LRRD1: variants seen among roughly 807,000 people sequenced by gnomAD.
The protein encoded by LRRD1 is leucine-rich repeat and death domain-containing protein 1.
Under a neutral mutation model 69.5 loss-of-function variants are expected in LRRD1, and 49 were observed. The ratio of observed to expected loss-of-function variants is 0.70; its 90% CI spans 0.56 to 0.89. LRRD1 has a LOEUF of 0.89. Among genes scored for constraint, LRRD1 ranks in the 40% least tolerant of loss-of-function variants. The pLI is 0.00. For missense variants in LRRD1, 853 were observed against 956.0 expected, an observed-to-expected ratio of 0.89 and a Z score of 1.42; for synonymous variants, 303 against 338.9, an observed-to-expected ratio of 0.89 and a Z score of 1.16.
rs78545963 is a variant in LRRD1, at chr7:92,167,115, G to A, written c.-74-1839C>T. On this transcript the variant is annotated intron_variant, in intron 1 of 5. Transcript: ENST00000458448. ...ATTTTCTTTCTTTTTTTTTTTTTTT[G>A]TGGGGACAGTCTTCTCTGTCACCAG... Among the ~76,000 whole-genome samples, 239 of 77,926 alleles carry A rather than the reference G, an allele frequency of 3.1e-3. 1 individual carries two copies. Among genetic ancestry groups the A allele is most frequent in the African/African-American group, 0.011 (223 of 20,380 alleles). The allele number at this position is 77,926 out of a possible 152,430, so 51.1% of individuals were successfully genotyped here.
At chr7:92,176,323 T>C (rs954096614) in intron 1 of LRRD1, among the ~76,000 whole-genome samples, 15 of 152,202 alleles carry the variant, frequency 9.9e-5, no homozygotes, top group African/African-American at 3.4e-4. Context: ...TGGTCTTGTA[T>C]GTAGCAATCT....
chr7:92,174,226 TTGATAGACGAAATAAG>T (rs948883595), intron 1 of LRRD1, among the ~76,000 whole-genome samples: 1 of 151,774 alleles, frequency 6.6e-6, no homozygotes, highest in African/African-American at 2.4e-5. Context: ...AATAAACAGT[TTGATAGACGAAATAAG>T]GCCTAGTGTT....
chr7:92,174,429 A>G (rs1357994558), intron 1 of LRRD1, among the ~76,000 whole-genome samples: 1 of 141,110 alleles, frequency 7.1e-6, no homozygotes, highest in Non-Finnish European at 1.5e-5. Flanking sequence ...AAATTATCAC[A>G]TATACCTTGA....
At chr7:92,144,765 C>T (rs1433676345), downstream of LRRD1, 3 of 518,992 alleles carry the variant, frequency 5.8e-6, no homozygotes, top group South Asian at 9.7e-5. Context: ...GTCATCATCT[C>T]TTAAGAATGA....
chr7:92,158,485 A>T (rs1411236596), intron 3 of LRRD1, among the ~76,000 whole-genome samples: 1 of 152,128 alleles, frequency 6.6e-6, no homozygotes, highest in East Asian at 1.9e-4. Flanking sequence ...TCAACGCAGT[A>T]TTTGTTGTAC....
chr7:92,151,854 C>A (rs1176657568), intron 3 of LRRD1, among the ~76,000 whole-genome samples: 1 of 150,736 alleles, frequency 6.6e-6, no homozygotes, highest in Non-Finnish European at 1.5e-5. Flanking sequence ...GAGGCTGAGA[C>A]AGGAGAATTG....
intron 1 of LRRD1, among the ~76,000 whole-genome samples, chr7:92,174,214 CAAATAA>C (rs1789115318): frequency 6.6e-6 from 1 of 151,444 alleles, no homozygotes; most frequent in Non-Finnish European, 1.5e-5. Context: ...TTAATAGGTA[CAAATAA>C]ACAGTTTGAT....
chr7:92,146,208 T>G lies in LRRD1; in HGVS notation c.2279-8A>C. 7.7e-7 allele frequency: 1 copy of G among 1,299,162 alleles called. No individual in the cohort carries two copies. Among genetic ancestry groups the G allele is most frequent in the Admixed American group, 2.5e-5 (1 of 40,006 alleles). The allele number at this position is 1,299,162 out of a possible 1,614,324, so 80.5% of individuals were successfully genotyped here. A position where few individuals can be genotyped will look rare whatever the true frequency, so the allele number is the denominator to read the frequency against. On this transcript the variant is annotated splice_polypyrimidine_tract_variant and splice_region_variant and intron_variant, in intron 4 of 5. Transcript: ENST00000458448. The stretch of plus-strand genomic sequence containing the variant: ...TCTTCTCTAAAATTTTCTCTACGTT[T>G]GAACATAAAATAAAATGTATATCTT...
chr7:92,149,877 A>T (rs1262659219), intron 4 of LRRD1: 1 of 455,044 alleles, frequency 2.2e-6, no homozygotes, highest in South Asian at 1.6e-5. Context: ...GAACAACTAC[A>T]TTTGGTAGAA....
chr7:92,177,641 T>C (rs1451495080), intron 1 of LRRD1, among the ~76,000 whole-genome samples: 2 of 152,200 alleles, frequency 1.3e-5, no homozygotes, highest in African/African-American at 2.4e-5. Context: ...CTGTCTTCCA[T>C]AGAATAAGGG....
intron 3 of LRRD1, among the ~76,000 whole-genome samples, chr7:92,158,453 A>G (rs1204037659): frequency 6.6e-6 from 1 of 152,118 alleles, no homozygotes; most frequent in African/African-American, 2.4e-5. Flanking sequence ...ATATGTGTGT[A>G]TGTGTGTATA....
In LRRD1 at chr7:92,163,555, C is replaced by G; in HGVS notation, c.1648G>C (p.Ala550Pro). ...AGTGATATCATATTAGAAATTGATG[C>G]TGGAATTTTCTTTATTTGGTTTTTA... ...LGKNQIKKIP[A>P]SISNMISLHV... Residue 550 changes from alanine to proline, a missense_variant, in exon 2 of 6, where the codon GCA becomes CCA. Ala to Pro is a conservative substitution (Grantham distance 27, BLOSUM62 -1). This residue lies in a region of LRRD1 where 739 missense variants were observed against 808.0 expected (regional missense o/e 0.91). Transcript: ENST00000458448. 1 of 1,527,778 alleles carries G rather than the reference C, an allele frequency of 6.5e-7. No homozygotes were observed. Among genetic ancestry groups the G allele is most frequent in the Non-Finnish European group, 8.8e-7 (1 of 1,139,466 alleles). 94.6% of individuals were successfully genotyped at this position (1,527,778 alleles called of 1,614,324 possible).
chr7:92,145,958 A>G, intron 5 of LRRD1, 125 bp downstream of exon 5: 1 of 527,876 alleles, frequency 1.9e-6, no homozygotes, highest in African/African-American at 1.9e-5. Flanking sequence ...GTAATAAACT[A>G]AAATCAGCTT....
chr7:92,177,261 T>G (rs1245020031), intron 1 of LRRD1, among the ~76,000 whole-genome samples: 2 of 152,002 alleles, frequency 1.3e-5, no homozygotes, highest in African/African-American at 4.8e-5. Context: ...CAGTTTTGGT[T>G]TCAAGGTTAT....
downstream of LRRD1, chr7:92,142,560 G>A (rs1820184023): frequency 2.2e-6 from 1 of 455,954 alleles, no homozygotes; most frequent in African/African-American, 2.0e-5. Flanking sequence ...GGAATTGGTG[G>A]GTTCTTCGTC....
downstream of LRRD1, among the ~76,000 whole-genome samples, chr7:92,143,895 CT>C (rs200492882): frequency 1.3e-5 from 2 of 152,252 alleles, no homozygotes; most frequent in Non-Finnish European, 2.9e-5. Flanking sequence ...CTCAAAATGG[CT>C]TTTCCTGGGT....
chr7:92,163,924 T>A lies in LRRD1; in HGVS notation c.1279A>T (p.Arg427Ter). 6.5e-7 allele frequency: 1 copy of A among 1,535,788 alleles called. No homozygotes were observed. Among genetic ancestry groups the A allele is most frequent in the African/African-American group, 1.4e-5 (1 of 72,044 alleles). ...LNNLRKLHVN[R>*]NNMVKITDCI... ...TCAGTTATTTTTACCATATTATTTCTGTTTACATGGAGTTTTCTTAAATTG... is the reference window on the plus strand; with the variant it reads ...TCAGTTATTTTTACCATATTATTTCAGTTTACATGGAGTTTTCTTAAATTG... The change falls in exon 2 of 6, where the codon AGA becomes TGA. Residue 427 changes from arginine (R) to a stop codon, truncating the protein, a stop_gained. Transcript: ENST00000458448. LOFTEE classifies it high-confidence loss of function.
At chr7:92,173,889 C>A (rs1789109402) in intron 1 of LRRD1, among the ~76,000 whole-genome samples, 1 of 152,092 alleles carries the variant, frequency 6.6e-6, no homozygotes, top group African/African-American at 2.4e-5. Flanking sequence ...ATGTTTATTG[C>A]AGCACTGTTC....
Position 92,164,404 on chromosome 7 carries a change from T to C in LRRD1, c.799A>G (p.Asn267Asp), listed in dbSNP as rs1563192793. The C allele has an allele frequency of 6.5e-7, 1 of 1,548,428 alleles. No homozygotes were observed. The highest frequency in any genetic ancestry group is 1.2e-5 in the South Asian group (1 of 83,724). ...GTATCTGGTATATGTCTTAACTTAT[T>C]TTTACCCAAACTTAAAATTTCCAAG... ...GNLEILSLGK[N>D]KLRHIPDTLP... is the part of the protein sequence containing the mutation. Residue 267 changes from asparagine to aspartate, a missense_variant, in exon 2 of 6, where the codon AAT (asparagine) becomes GAT (aspartate). Physicochemically the swap from Asn to Asp is conservative, Grantham distance 23. This residue lies in a region of LRRD1 where 739 missense variants were observed against 808.0 expected (regional missense o/e 0.91). Coordinates refer to ENST00000458448, the MANE Select transcript of LRRD1 (RefSeq NM_001161528.2).
Sources: gnomAD v4.1 joint callset for allele counts (sites outside exome capture counted in the v4.1 genomes callset) on GRCh38, gnomAD v4.1.1 for gene constraint, gnomAD v4.1.1 regional missense constraint, MANE v1.5 for transcripts, NCBI Gene and HGNC (gene_info 2026-07-23, HGNC 2026-07-21) for gene names.